DCAF12: variants seen among roughly 807,000 people sequenced by gnomAD.
The protein encoded by DCAF12 is DDB1 and CUL4 associated factor 12.
A neutral mutation model predicts 52.8 loss-of-function variants in DCAF12; 28 were observed. The ratio of observed to expected loss-of-function variants is 0.53; its 90% confidence interval spans 0.39 to 0.73. The LOEUF (loss-of-function observed/expected upper bound fraction) is 0.73, where lower values mean the gene tolerates loss of function less well. Among genes scored for constraint, DCAF12 ranks in the 30% least tolerant of loss-of-function variants. The probability of loss-of-function intolerance (pLI) is 0.00; values close to 1 mark genes in which losing one functional copy is unlikely to be tolerated. For missense variants in DCAF12, 425 were observed against 552.2 expected, an observed-to-expected ratio of 0.77 and a Z score of 2.31; for synonymous variants, 196 against 215.5, an observed-to-expected ratio of 0.91 and a Z score of 0.79.
At chr9:34,111,733 G>A (rs758206949) in intron 2 of DCAF12, among the ~76,000 whole-genome samples, 4 of 152,148 alleles carry the variant, frequency 2.6e-5, no homozygotes, top group Non-Finnish European at 5.9e-5. Flanking sequence ...ATTGGACTAG[G>A]CCATTCAGAT....
intron 5 of DCAF12, among the ~76,000 whole-genome samples, chr9:34,097,098 T>C (rs914794712): frequency 4.6e-5 from 7 of 152,014 alleles, no homozygotes; most frequent in Admixed American, 1.3e-4. Flanking sequence ...AGTGTGAGAA[T>C]TTCTATAAGT....
At chr9:34,093,216 C>T (rs183235485) in intron 7 of DCAF12, 70 bp downstream of exon 7, 1 of 1,582,804 alleles carries the variant, frequency 6.3e-7, no homozygotes, top group Non-Finnish European at 8.7e-7. Context: ...TGGAAACCAA[C>T]AAAGAAACTG....
intron 2 of DCAF12, among the ~76,000 whole-genome samples, chr9:34,122,763 C>A (rs572353059): frequency 2.6e-5 from 4 of 152,310 alleles, no homozygotes; most frequent in Admixed American, 2.6e-4. Context: ...CAGGTGTGAG[C>A]CACCTTGCCC....
Position 34,126,624 on chromosome 9 carries a change from CG to C in DCAF12, c.-194del. The stretch of plus-strand genomic sequence containing the variant: ...GGAAAGAGAGAGGAAGGACTTGAGC[CG>C]GGAAAGGGAAGGGGAAGCGAGAATG... On this transcript the variant is annotated 5_prime_UTR_variant, in exon 1 of 9. Coordinates refer to ENST00000361264, the MANE Select transcript of DCAF12 (RefSeq NM_015397.4). 1 of 638,952 alleles carries C rather than the reference CG, an allele frequency of 1.6e-6. No homozygotes were observed. The highest frequency in any genetic ancestry group is 2.6e-6 in the Non-Finnish European group (1 of 383,426). 39.6% of individuals were successfully genotyped at this position (638,952 alleles called of 1,614,324 possible).
At chr9:34,125,814 G>A (rs528114461) in intron 1 of DCAF12, 4 of 301,902 alleles carry the variant, frequency 1.3e-5, no homozygotes, top group African/African-American at 6.5e-5. Context: ...AGGCCCCCGG[G>A]AAATCAGAGG....
rs371088209 is a variant in DCAF12 at position 34,088,526 on chromosome 9, G to C, written c.1204-18C>G. 3.1e-6 allele frequency: 5 copies of C among 1,613,824 alleles called. No individual in the cohort carries two copies. Among genetic ancestry groups the C allele is most frequent in the Non-Finnish European group, 4.2e-6 (5 of 1,179,918 alleles). ...TCATGATTCTACGGGAAGAGAAAGA[G>C]ACTACAATTAGCACCTCTAGCCATG... On this transcript the variant is annotated intron_variant, in intron 8 of 8. Transcript: ENST00000361264.
chr9:34,096,462 A>C (rs1463717612), intron 6 of DCAF12, among the ~76,000 whole-genome samples: 1 of 152,172 alleles, frequency 6.6e-6, no homozygotes, highest in Non-Finnish European at 1.5e-5. Context: ...ATACCTGGGC[A>C]TGTTGGCAGA....
intron 4 of DCAF12, among the ~76,000 whole-genome samples, chr9:34,104,357 C>T (rs1828873107): frequency 6.6e-6 from 1 of 152,030 alleles, no homozygotes; most frequent in South Asian, 2.1e-4. Flanking sequence ...GAGACAAGGG[C>T]ACATCTGGAG....
At chr9:34,097,917 G>C (rs891907478) in intron 5 of DCAF12, among the ~76,000 whole-genome samples, 1 of 145,222 alleles carries the variant, frequency 6.9e-6, no homozygotes, top group African/African-American at 2.5e-5. Flanking sequence ...TAGGTGACAG[G>C]AGCAAAACAC....
At chr9:34,093,487 A>G in intron 6 of DCAF12, 39 bp from the exon 7 acceptor site, 1 of 1,608,466 alleles carries the variant, frequency 6.2e-7, no homozygotes, top group Non-Finnish European at 8.5e-7. Context: ...GCATCAGCAG[A>G]GAGGGTAAGG....
At chr9:34,122,369 C>T (rs1403175062) in intron 2 of DCAF12, among the ~76,000 whole-genome samples, 1 of 152,172 alleles carries the variant, frequency 6.6e-6, no homozygotes, top group Non-Finnish European at 1.5e-5. Context: ...TCCTTACTCT[C>T]TGCCAAGCTT....
At chr9:34,091,271 G>C (rs549830854) in intron 7 of DCAF12, among the ~76,000 whole-genome samples, 6 of 151,920 alleles carry the variant, frequency 3.9e-5, no homozygotes, top group African/African-American at 1.5e-4. Context: ...AGGGTGCAGT[G>C]AGCTGAGATC....
rs144471394 is a variant in DCAF12, at chr9:34,125,504, A to C, written c.79-227T>G. On this transcript the variant is annotated intron_variant, in intron 1 of 8. Transcript: ENST00000361264. ...TACCAATGTGAATTACAAGGGCTGA[A>C]AGTCAAGGGAATGAATGCAGAATAG... The C allele has an allele frequency of 2.0e-3, 1,227 of 618,988 alleles. 10 individuals are homozygous for C. The African/African-American group carries it at 0.02, about 10-fold the overall frequency. 38.3% of individuals were successfully genotyped at this position (618,988 alleles called of 1,614,324 possible). A position where few individuals can be genotyped will look rare whatever the true frequency, so the allele number is the denominator to read the frequency against.
At chr9:34,104,223 T>C (rs1828871364) in intron 4 of DCAF12, among the ~76,000 whole-genome samples, 1 of 151,196 alleles carries the variant, frequency 6.6e-6, no homozygotes, top group Non-Finnish European at 1.5e-5. Flanking sequence ...CAAGATGCAC[T>C]CCAGCCTGGG....
At chr9:34,098,223 C>G in intron 5 of DCAF12, 101 bp downstream of exon 5, 1 of 1,276,904 alleles carries the variant, frequency 7.8e-7, no homozygotes, top group Non-Finnish European at 1.1e-6. Context: ...GGCTCAGAAC[C>G]ATGCTATGTA....
chr9:34,126,245 C>CCT (rs1167242256), intron 1 of DCAF12, 109 bp downstream of exon 1: 1 of 1,381,732 alleles, frequency 7.2e-7, no homozygotes, highest in Non-Finnish European at 1.0e-6. Context: ...TCCTGTTTTG[C>CCT]CTCTGACTGC....
chr9:34,092,218 C>G (rs555634060), intron 7 of DCAF12, among the ~76,000 whole-genome samples: 55 of 152,310 alleles, frequency 3.6e-4, no homozygotes, highest in African/African-American at 1.3e-3. Flanking sequence ...GAGGTTCTGA[C>G]ATATGTATAT....
intron 2 of DCAF12, 59 bp from the exon 3 acceptor site, chr9:34,107,624 A>G: frequency 7.0e-7 from 1 of 1,422,886 alleles, no homozygotes; most frequent in Non-Finnish European, 9.9e-7. Context: ...AATACAGGGT[A>G]TAAACATCCT....
chr9:34,124,099 C>T (rs1264905933), intron 2 of DCAF12, among the ~76,000 whole-genome samples: 1 of 152,136 alleles, frequency 6.6e-6, no homozygotes, highest in Non-Finnish European at 1.5e-5. Flanking sequence ...CCTTTATAAA[C>T]AGACACTTCT....
Sources: gnomAD v4.1 joint callset for allele counts (sites outside exome capture counted in the v4.1 genomes callset) on GRCh38, gnomAD v4.1.1 for gene constraint, MANE v1.5 for transcripts, NCBI Gene and HGNC (gene_info 2026-07-23, HGNC 2026-07-21) for gene names.